SNTB1: variants seen among roughly 807,000 people sequenced by gnomAD.
SNTB1 encodes the protein syntrophin beta 1.
SNTB1 carries 36 observed loss-of-function variants against 48.9 expected under a neutral mutation model. The observed-to-expected ratio is 0.74, with a 90% CI of 0.56 to 0.97. SNTB1 has a LOEUF of 0.97. Among genes scored for constraint, SNTB1 ranks in the 50% least tolerant of loss-of-function variants. The pLI is 0.00. For missense variants in SNTB1, 786 were observed against 703.4 expected, an observed-to-expected ratio of 1.12 and a Z score of -1.33; for synonymous variants, 299 against 294.6, an observed-to-expected ratio of 1.01 and a Z score of -0.15.
chr8:120,545,520 G>A (rs1252230742), intron 5 of SNTB1, among the ~76,000 whole-genome samples: 2 of 150,930 alleles, frequency 1.3e-5, no homozygotes, highest in African/African-American at 4.9e-5. Flanking sequence ...GGGACTGGGG[G>A]TTAGCAAATT....
chr8:120,669,863 T>C (rs1349705942), intron 2 of SNTB1, among the ~76,000 whole-genome samples: 3 of 152,316 alleles, frequency 2.0e-5, no homozygotes, highest in East Asian at 1.9e-4. Flanking sequence ...CCCCAGGTGA[T>C]GTGATGCTGC....
intron 2 of SNTB1, among the ~76,000 whole-genome samples, chr8:120,643,330 G>A (rs1371811187): frequency 6.6e-6 from 1 of 152,206 alleles, no homozygotes; most frequent in Admixed American, 6.5e-5. Context: ...ACATGGATAA[G>A]TTCTTTAGTG....
At chr8:120,768,421 G>A (rs1181623276) in intron 1 of SNTB1, among the ~76,000 whole-genome samples, 2 of 152,178 alleles carry the variant, frequency 1.3e-5, no homozygotes, top group Non-Finnish European at 2.9e-5. Context: ...TAAATCGTGT[G>A]TGCAAATAAC....
intron 1 of SNTB1, among the ~76,000 whole-genome samples, chr8:120,777,951 G>C (rs1298778507): frequency 6.6e-6 from 1 of 152,196 alleles, no homozygotes; most frequent in Admixed American, 6.5e-5. Context: ...GAAACACTTT[G>C]GTTAGACTGA....
At chr8:120,588,851 T>A (rs1481210529) in intron 3 of SNTB1, among the ~76,000 whole-genome samples, 2 of 152,224 alleles carry the variant, frequency 1.3e-5, no homozygotes, top group Non-Finnish European at 2.9e-5. Flanking sequence ...TAGGATCCAA[T>A]TATTCAAAAG....
At chr8:120,737,598 T>A (rs367738115) in intron 1 of SNTB1, among the ~76,000 whole-genome samples, 3 of 151,776 alleles carry the variant, frequency 2.0e-5, no homozygotes, top group South Asian at 2.1e-4. Context: ...GAGATTAGAG[T>A]TCAGGAGTCA....
intron 2 of SNTB1, among the ~76,000 whole-genome samples, chr8:120,666,236 T>C (rs1372220031): frequency 6.6e-6 from 1 of 152,252 alleles, no homozygotes; most frequent in Non-Finnish European, 1.5e-5. Flanking sequence ...CCTGAAGTCT[T>C]CCTGTAGTAT....
intron 3 of SNTB1, among the ~76,000 whole-genome samples, chr8:120,605,252 A>G (rs889654677): frequency 1.3e-5 from 2 of 152,218 alleles, no homozygotes; most frequent in African/African-American, 4.8e-5. Flanking sequence ...TTTGCAGTGC[A>G]TCAATGCACA....
At chr8:120,670,008 T>C (rs1025369994) in intron 2 of SNTB1, among the ~76,000 whole-genome samples, 1 of 152,230 alleles carries the variant, frequency 6.6e-6, no homozygotes, top group Non-Finnish European at 1.5e-5. Flanking sequence ...TAAATTTTTC[T>C]CTAAGGTTCC....
intron 1 of SNTB1, among the ~76,000 whole-genome samples, chr8:120,728,587 A>G (rs984985548): frequency 6.6e-6 from 1 of 152,198 alleles, no homozygotes; most frequent in African/African-American, 2.4e-5. Flanking sequence ...GAGAACATGC[A>G]GCATTTGGTT....
At position 120,811,457 on chromosome 8, in the gene SNTB1, C is replaced by A. The variant is rs751920445; in HGVS notation, c.387G>T (p.Gly129=). The part of the protein sequence containing the change: ...ELGGLGISIK[G]GKENKMPILI... ...GGATGGGCATCTTGTTCTCCTTGCC[C>A]CCCTTGATGCTGATCCCCAGCCCGC... Residue 129 remains glycine (G), a synonymous_variant, in exon 1 of 7, where the codon GGG becomes GGT. Transcript: ENST00000517992. The A allele has an allele frequency of 6.2e-7, 1 of 1,613,918 alleles. No individual in the cohort carries two copies. The highest frequency in any genetic ancestry group is 1.3e-5 in the African/African-American group (1 of 74,908).
intron 1 of SNTB1, among the ~76,000 whole-genome samples, chr8:120,750,864 G>C (rs1484780906): frequency 6.6e-6 from 1 of 152,012 alleles, no homozygotes; most frequent in Non-Finnish European, 1.5e-5. Context: ...TTAAGTATGG[G>C]GAAAAGCTCC....
At position 120,536,456 on chromosome 8, in the gene SNTB1, T is replaced by C. The variant is rs1815204260; in HGVS notation, c.*2421A>G. Reference sequence around the variant, plus strand: ...ACACACCAGCACACATCAGACAAGATTAAAATCTACAGTGTAAAGTCATTG... The same window carrying C: ...ACACACCAGCACACATCAGACAAGACTAAAATCTACAGTGTAAAGTCATTG... On this transcript the variant is annotated 3_prime_UTR_variant, in exon 7 of 7. Coordinates refer to ENST00000517992, the MANE Select transcript of SNTB1 (RefSeq NM_021021.4). 1 of 152,138 alleles carries C rather than the reference T, an allele frequency of 6.6e-6. No homozygotes were observed. The highest frequency in any genetic ancestry group is 1.5e-5 in the Non-Finnish European group (1 of 68,016). 9.4% of individuals were successfully genotyped at this position (152,138 alleles called of 1,614,324 possible). A position where few individuals can be genotyped will look rare whatever the true frequency, so the allele number is the denominator to read the frequency against.
chr8:120,758,127 G>A lies in SNTB1; in HGVS notation c.571+53146C>T, dbSNP rs574670848. ...TTGTAATAGCTTTACATAGAGAAAA[G>A]GAAGGAGGGAAAAAGATGAAAAATT... On this transcript the variant is annotated intron_variant, in intron 1 of 6. Coordinates refer to ENST00000517992, the MANE Select transcript of SNTB1 (RefSeq NM_021021.4). Among the ~76,000 whole-genome samples, 24 of 152,160 alleles carry A rather than the reference G, an allele frequency of 1.6e-4. No individual in the cohort carries two copies. The South Asian group carries it at 4.4e-3, about 28-fold the overall frequency.
intron 1 of SNTB1, among the ~76,000 whole-genome samples, chr8:120,792,010 C>T (rs1193446378): frequency 6.6e-6 from 1 of 151,780 alleles, no homozygotes; most frequent in East Asian, 1.9e-4. Flanking sequence ...TTTATTACAG[C>T]ATGATTCACA....
At chr8:120,701,768 G>A (rs980210438) in intron 1 of SNTB1, among the ~76,000 whole-genome samples, 9 of 152,348 alleles carry the variant, frequency 5.9e-5, no homozygotes, top group Admixed American at 2.0e-4. Flanking sequence ...TGGAAGGGAA[G>A]AAGCATTTGA....
chr8:120,784,877 T>C lies in SNTB1; in HGVS notation c.571+26396A>G, dbSNP rs1819896181. 2.6e-5 allele frequency among the ~76,000 whole-genome samples: 4 copies of C among 151,830 alleles called. No individual in the cohort carries two copies. The South Asian group carries it at 8.3e-4, about 32-fold the overall frequency. On this transcript the variant is annotated intron_variant, in intron 1 of 6. Transcript: ENST00000517992. ...ACTGTGAACCAGGAGAAAAACTGAG[T>C]CTGCAGAGTTTAAGGAGGGGAGAGA... is the stretch of plus-strand genomic sequence containing the variant.
intron 1 of SNTB1, among the ~76,000 whole-genome samples, chr8:120,747,494 T>C (rs1312794131): frequency 6.6e-6 from 1 of 152,172 alleles, no homozygotes; most frequent in Non-Finnish European, 1.5e-5. Context: ...TTTTGCCATG[T>C]TGGCCAAGGT....
At chr8:120,748,182 G>A (rs1424603057) in intron 1 of SNTB1, among the ~76,000 whole-genome samples, 1 of 152,112 alleles carries the variant, frequency 6.6e-6, no homozygotes, top group Non-Finnish European at 1.5e-5. Context: ...ACTCAAATAA[G>A]CTCTGTTGTG....
Sources: allele counts gnomAD v4.1 joint callset (sites outside exome capture counted in the v4.1 genomes callset), GRCh38; gene constraint gnomAD v4.1.1; transcripts MANE v1.5; gene names NCBI Gene and HGNC (gene_info 2026-07-23, HGNC 2026-07-21).